ATP2B4: variants seen among roughly 807,000 people sequenced by gnomAD.
ATP2B4 encodes the protein plasma membrane calcium-transporting ATPase 4.
In ATP2B4, 39 loss-of-function variants were observed where a neutral mutation model predicts 110.3. The ratio of observed to expected loss-of-function variants is 0.35; its 90% CI spans 0.27 to 0.46. The LOEUF (loss-of-function observed/expected upper bound fraction) is 0.46. Among genes scored for constraint, ATP2B4 ranks in the 20% least tolerant of loss-of-function variants. ATP2B4 has a pLI of 1.00. For synonymous variants in ATP2B4, 538 were observed against 571.7 expected (o/e 0.94, Z 0.84); for missense variants, 1,135 against 1,530.9 (o/e 0.74, Z 4.32).
intron 1 of ATP2B4, among the ~76,000 whole-genome samples, chr1:203,643,351 C>T (rs748611338): frequency 7.9e-5 from 12 of 152,176 alleles, no homozygotes; most frequent in Non-Finnish European, 1.6e-4. Flanking sequence ...TGGGTGACAA[C>T]ACTACTTGTT....
chr1:203,656,572 T>C (rs1022630165), intron 1 of ATP2B4, among the ~76,000 whole-genome samples: 1 of 152,240 alleles, frequency 6.6e-6, no homozygotes, highest in Non-Finnish European at 1.5e-5. Flanking sequence ...ACATCTGTAT[T>C]AATGCTGTCT....
chr1:203,732,154 T>G, intron 20 of ATP2B4, among the ~76,000 whole-genome samples: 1 of 122,878 alleles, frequency 8.1e-6, no homozygotes, highest in Admixed American at 8.8e-5. Flanking sequence ...CCAGCCTGGG[T>G]GTCAAAAAAA....
At chr1:203,699,803 C>G in intron 4 of ATP2B4, 86 bp downstream of exon 4, 1 of 1,547,458 alleles carries the variant, frequency 6.5e-7, no homozygotes, top group Non-Finnish European at 8.7e-7. Flanking sequence ...CTGGGAATTG[C>G]TGAAAACCCA....
chr1:203,731,031 GA>G (rs1666692370), intron 20 of ATP2B4, among the ~76,000 whole-genome samples: 1 of 152,198 alleles, frequency 6.6e-6, no homozygotes, highest in Non-Finnish European at 1.5e-5. Flanking sequence ...GGAGGTGTTA[GA>G]AAACTTAGAG....
chr1:203,709,275 A>C (rs1665935633), intron 10 of ATP2B4, 26 bp from the exon 11 acceptor site: 2 of 1,613,784 alleles, frequency 1.2e-6, no homozygotes, highest in African/African-American at 2.7e-5. Context: ...CTTACTCAAT[A>C]GTGCTGTGTA....
At position 203,725,904 on chromosome 1, in the gene ATP2B4, CTTT is replaced by C. The variant is rs756184004; in HGVS notation, c.3133-1471_3133-1469del. Among the ~76,000 whole-genome samples, 23 of 93,382 alleles carry C rather than the reference CTTT, an allele frequency of 2.5e-4. 1 individual carries two copies. The East Asian group carries it at 4.8e-3, about 20-fold the overall frequency. 61.3% of individuals were successfully genotyped at this position (93,382 alleles called of 152,430 possible). ...ATTTCTTTTTCTTTTCTTTTCTTTT[CTTT>C]TTTTTTTTTTTTTTTTTTTAAGAGA... On this transcript the variant is annotated intron_variant, in intron 19 of 20. Transcript: ENST00000357681.
chr1:203,690,148 C>T (rs777051683), intron 2 of ATP2B4, among the ~76,000 whole-genome samples: 39 of 152,168 alleles, frequency 2.6e-4, no homozygotes, highest in Non-Finnish European at 4.6e-4. Flanking sequence ...TTTAGATGAA[C>T]GTCTATCACC....
intron 2 of ATP2B4, among the ~76,000 whole-genome samples, chr1:203,695,706 C>G (rs940896550): frequency 1.4e-5 from 2 of 143,582 alleles, no homozygotes; most frequent in Non-Finnish European, 3.1e-5. Flanking sequence ...CCTGCCCCCC[C>G]ACTTTCATCT....
chr1:203,698,890 GCCT>G (rs1665610907), intron 3 of ATP2B4, among the ~76,000 whole-genome samples: 1 of 152,078 alleles, frequency 6.6e-6, no homozygotes, highest in Non-Finnish European at 1.5e-5. Context: ...ACCCGCCTTG[GCCT>G]CCTAAAGTGC....
intron 7 of ATP2B4, among the ~76,000 whole-genome samples, chr1:203,703,175 G>A (rs920849308): frequency 6.7e-6 from 1 of 149,082 alleles, no homozygotes; most frequent in Admixed American, 7.0e-5. Flanking sequence ...GAGAGAGAGA[G>A]AGAGAGAGAG....
At chr1:203,655,949 G>C (rs1276280055) in intron 1 of ATP2B4, among the ~76,000 whole-genome samples, 3 of 152,086 alleles carry the variant, frequency 2.0e-5, no homozygotes, top group Non-Finnish European at 4.4e-5. Flanking sequence ...CTGTTGCCCA[G>C]GCTGGAGTGC....
intron 11 of ATP2B4, 132 bp downstream of exon 11, chr1:203,709,674 A>C (rs1310908697): frequency 1.1e-5 from 16 of 1,420,582 alleles, no homozygotes; most frequent in Non-Finnish European, 1.5e-5. Flanking sequence ...CTAATATCCA[A>C]GCGTCTACTC....
At chr1:203,731,575 G>T (rs1666712820) in intron 20 of ATP2B4, among the ~76,000 whole-genome samples, 2 of 152,086 alleles carry the variant, frequency 1.3e-5, no homozygotes, top group South Asian at 4.1e-4. Context: ...TGGCATGGCC[G>T]GGCGCGGTGG....
In ATP2B4 at chr1:203,672,323, TC is replaced by T. The variant is rs1344329072; in HGVS notation, c.-464-10418del. Reference sequence around the variant, plus strand: ...TTGTTCCTGAGTAAGTTGCGGTGGCTCTTTTTTTTTTTTTTTTTTTTTTTTT... The same window carrying T: ...TTGTTCCTGAGTAAGTTGCGGTGGCTTTTTTTTTTTTTTTTTTTTTTTTTT... On this transcript the variant is annotated intron_variant, in intron 1 of 20. Transcript: ENST00000357681. Among the ~76,000 whole-genome samples the T allele has an allele frequency of 4.4e-3, 388 of 88,232 alleles. 4 individuals carry two copies. The highest frequency in any genetic ancestry group is 0.015 in the African/African-American group (315 of 21,686). The allele number at this position is 88,232 out of a possible 152,430, so 57.9% of individuals were successfully genotyped here.
chr1:203,723,420 ATCTC>A (rs34964110), intron 18 of ATP2B4, among the ~76,000 whole-genome samples: 2,070 of 44,530 alleles, frequency 0.046, 50 homozygotes, highest in East Asian at 0.06. Flanking sequence ...TGAGACAGAT[ATCTC>A]TCTCTCTCTC....
At chr1:203,735,366 GGAGA>G (rs1666852764) in intron 20 of ATP2B4, among the ~76,000 whole-genome samples, 1 of 152,224 alleles carries the variant, frequency 6.6e-6, no homozygotes, top group Non-Finnish European at 1.5e-5. Flanking sequence ...GACTCAGAGA[GGAGA>G]GAGAAGGTAG....
chr1:203,671,207 G>A (rs1335122829), intron 1 of ATP2B4, among the ~76,000 whole-genome samples: 1 of 152,168 alleles, frequency 6.6e-6, no homozygotes, highest in Non-Finnish European at 1.5e-5. Flanking sequence ...ACGACCTATA[G>A]CATATTTATT....
At position 203,720,532 on chromosome 1, in the gene ATP2B4, C is replaced by T; in HGVS notation, c.2407-17C>T. ...TTTATCCACTCCCTCACTGTTTTCCCTCCCATCTTACCTCAGGGCATCGCA... is the reference window on the plus strand; with the variant it reads ...TTTATCCACTCCCTCACTGTTTTCCTTCCCATCTTACCTCAGGGCATCGCA... On this transcript the variant is annotated splice_polypyrimidine_tract_variant and intron_variant, in intron 15 of 20. Transcript: ENST00000357681. 1 of 1,585,140 alleles carries T rather than the reference C, an allele frequency of 6.3e-7. No homozygotes were observed. Among genetic ancestry groups the T allele is most frequent in the African/African-American group, 1.3e-5 (1 of 74,536 alleles).
chr1:203,733,434 TA>T, intron 20 of ATP2B4: 1 of 1,568,334 alleles, frequency 6.4e-7, no homozygotes, highest in Non-Finnish European at 8.7e-7. Flanking sequence ...CATGATTTGC[TA>T]AAATGACCAC....
Sources: gnomAD v4.1 joint callset for allele counts (sites outside exome capture counted in the v4.1 genomes callset) on GRCh38, gnomAD v4.1.1 for gene constraint, MANE v1.5 for transcripts, NCBI Gene and HGNC (gene_info 2026-07-23, HGNC 2026-07-21) for gene names.